The following ARFRP1 variants were observed in gnomAD, a reference collection of about 807,000 sequenced individuals.
The protein encoded by ARFRP1 is ARF related protein 1, also known as ADP-ribosylation factor-related protein 1.
ARFRP1 carries 19 observed loss-of-function variants against 30.3 expected under a neutral mutation model. That is an observed-to-expected ratio of 0.63 (90% CI 0.44 to 0.92). The LOEUF (loss-of-function observed/expected upper bound fraction) is 0.92, where lower values mean the gene tolerates loss of function less well. ARFRP1 is among the 40% of genes least tolerant of loss of function. The pLI, the probability that ARFRP1 is intolerant of heterozygous loss-of-function variation, is 0.00. For missense variants in ARFRP1, 245 were observed against 267.5 expected (o/e 0.92, Z 0.59); for synonymous variants, 133 against 114.2 (o/e 1.16, Z -1.05).
Position 63,700,437 on chromosome 20 carries a change from C to T in ARFRP1, c.*6G>A, listed in dbSNP as rs781454914. On this transcript the variant is annotated 3_prime_UTR_variant, in exon 8 of 8. Transcript: ENST00000622789. Reference sequence around the variant, plus strand: ...ACCAGCCGTCCCGACGGCAGCGCGGCTGCGCCTACGTGATGTCCCTCTGCC... The same window carrying T: ...ACCAGCCGTCCCGACGGCAGCGCGGTTGCGCCTACGTGATGTCCCTCTGCC... 1.2e-6 allele frequency: 2 copies of T among 1,607,580 alleles called. No homozygotes were observed. The highest frequency in any genetic ancestry group is 1.3e-5 in the African/African-American group (1 of 74,888).
At chr20:63,707,152 G>T (rs2091520271) in intron 1 of ARFRP1, 55 bp from the exon 2 acceptor site, 1 of 1,497,046 alleles carries the variant, frequency 6.7e-7, no homozygotes, top group Admixed American at 2.0e-5. Context: ...CCCTCCCCCG[G>T]GCTTCTCCAC....
chr20:63,703,243 C>A (rs1254182633), intron 4 of ARFRP1: 1 of 152,246 alleles, frequency 6.6e-6, no homozygotes, highest in African/African-American at 2.4e-5. Context: ...GCATGAGAAG[C>A]CAGGAGGCAC....
At chr20:63,702,302 G>A (rs1290256807) in intron 4 of ARFRP1, 85 bp from the exon 5 acceptor site, 2 of 1,330,552 alleles carry the variant, frequency 1.5e-6, no homozygotes, top group Non-Finnish European at 2.1e-6. Context: ...GCCACAGTGA[G>A]GGGCTCACAT....
At position 63,699,823 on chromosome 20, in the gene ARFRP1, G is replaced by A. The variant is rs1036186339; in HGVS notation, c.*620C>T. On this transcript the variant is annotated 3_prime_UTR_variant, in exon 8 of 8. Coordinates refer to ENST00000622789, the MANE Select transcript of ARFRP1 (RefSeq NM_001267547.3). ...TTTGCATCAGTCAGCTCCCTCCCGG[G>A]GGATTAGGGTGAGGTGAAGCCAGGC... 2 of 156,036 alleles carry A rather than the reference G, an allele frequency of 1.3e-5. No homozygotes were observed. The highest frequency in any genetic ancestry group is 3.8e-4 in the East Asian group (2 of 5,294). 9.7% of individuals were successfully genotyped at this position (156,036 alleles called of 1,614,324 possible). A position where few individuals can be genotyped will look rare whatever the true frequency, so the allele number is the denominator to read the frequency against.
rs939024453 is a variant in ARFRP1, at chr20:63,700,020, C to T, written c.*423G>A. ...GGTCACGGGGTCACAGGGCAGAAGC[C>T]AGATGGCAGCCATGGCTGACGGGCC... On this transcript the variant is annotated 3_prime_UTR_variant, in exon 8 of 8. Transcript: ENST00000622789. 7.7e-6 allele frequency: 2 copies of T among 259,944 alleles called. No individual in the cohort carries two copies. The highest frequency in any genetic ancestry group is 1.5e-5 in the Non-Finnish European group (2 of 131,270). 16.1% of individuals were successfully genotyped at this position (259,944 alleles called of 1,614,324 possible).
At position 63,702,073 on chromosome 20, in the gene ARFRP1, G is replaced by A; in HGVS notation, c.346+63C>T. ...CTGAGCCTGCCCCAGGCACAGAGCT[G>A]CCCAAGCTGGACCTGCCCCCACTCA... On this transcript the variant is annotated intron_variant, in intron 5 of 7. Transcript: ENST00000622789. The A allele has an allele frequency of 6.7e-6, 10 of 1,493,184 alleles. 1 individual carries two copies. The South Asian group carries it at 9.0e-5, about 13-fold the overall frequency. The allele number at this position is 1,493,184 out of a possible 1,614,324, so 92.5% of individuals were successfully genotyped here.
intron 6 of ARFRP1, chr20:63,701,268 G>A (rs758068452): frequency 2.0e-6 from 1 of 499,704 alleles, no homozygotes; most frequent in Non-Finnish European, 4.0e-6. Context: ...CCCCAGAGAA[G>A]GCAGGAAGTG....
At position 63,706,619 on chromosome 20, in the gene ARFRP1, C is replaced by T. The variant is rs375948751; in HGVS notation, c.181+32G>A. ...TGAATATCACGGCATCCTCAAGGCC[C>T]CAAACCCACAGCCTGCTATTGAGAC... On this transcript the variant is annotated intron_variant, in intron 3 of 7. Transcript: ENST00000622789. 1.1e-5 allele frequency: 18 copies of T among 1,578,158 alleles called. No individual in the cohort carries two copies. The African/African-American group carries it at 2.0e-4, about 18-fold the overall frequency.
chr20:63,702,234 G>A lies in ARFRP1; in HGVS notation c.265-17C>T, dbSNP rs1440807745. 1.2e-6 allele frequency: 2 copies of A among 1,608,492 alleles called. No homozygotes were observed. The highest frequency in any genetic ancestry group is 1.7e-6 in the Non-Finnish European group (2 of 1,177,240). On this transcript the variant is annotated splice_polypyrimidine_tract_variant and intron_variant, in intron 4 of 7. Transcript: ENST00000622789. ...CGCATAATACTGGGAGGAAGCACCA[G>A]GAGTTGGGGCTCAGTCCCCACCCTG...
chr20:63,705,806 G>A, intron 4 of ARFRP1: 1 of 529,614 alleles, frequency 1.9e-6, no homozygotes, highest in Non-Finnish European at 3.9e-6. Context: ...GAAAGAAACA[G>A]ACTGCCCTGA....
intron 7 of ARFRP1, 23 bp downstream of exon 7, chr20:63,700,579 C>A: frequency 6.2e-7 from 1 of 1,610,544 alleles, no homozygotes. Context: ...CCCAAAGCCC[C>A]CGCAGGTGCA....
chr20:63,703,796 G>T, intron 4 of ARFRP1: 1 of 152,676 alleles, frequency 6.5e-6, no homozygotes. Context: ...GGCACAAGGT[G>T]CACAGCCCAG....
rs181951187 is a variant in ARFRP1, at chr20:63,702,393, G to T, written c.265-176C>A. The T allele has an allele frequency of 9.3e-4, 587 of 632,030 alleles. 1 individual carries two copies. The highest frequency in any genetic ancestry group is 1.0e-3 in the Non-Finnish European group (367 of 364,072). The allele number at this position is 632,030 out of a possible 1,614,324, so 39.2% of individuals were successfully genotyped here. A position where few individuals can be genotyped will look rare whatever the true frequency, so the allele number is the denominator to read the frequency against. ...GGGGTTGCGGGGAGATCTGGTGGAG[G>T]TGTCCCCAGACGCTGCTCCTGAGAA... On this transcript the variant is annotated intron_variant, in intron 4 of 7. Coordinates refer to ENST00000622789, the MANE Select transcript of ARFRP1 (RefSeq NM_001267547.3).
chr20:63,700,873 C>T (rs2049139120), intron 6 of ARFRP1, 171 bp from the exon 7 acceptor site: 1 of 892,322 alleles, frequency 1.1e-6, no homozygotes, highest in Non-Finnish European at 1.7e-6. Context: ...CTGTGCTCAG[C>T]CCGAGGCTGA....
chr20:63,704,253 C>T (rs897279311), intron 4 of ARFRP1: 1 of 152,270 alleles, frequency 6.6e-6, no homozygotes, highest in African/African-American at 2.4e-5. Context: ...CCGGTCCCTC[C>T]CAGTGACCTA....
At position 63,700,510 on chromosome 20, in the gene ARFRP1, A is replaced by G. The variant is rs775650276; in HGVS notation, c.539T>C (p.Ile180Thr). 17 of 1,610,616 alleles carry G rather than the reference A, an allele frequency of 1.1e-5. No individual in the cohort carries two copies. In the Admixed American group the frequency reaches 2.2e-4, roughly 21 times the overall value. Residue 180 changes from isoleucine to threonine, a missense_variant, in exon 8 of 8, where the codon ATC becomes ACC. Transcript: ENST00000622789. ...CACGACACACTTCACCATCCACTCGATGCCCTCGCGCACCCCTTTGCTGTG... is the reference window on the plus strand; with the variant it reads ...CACGACACACTTCACCATCCACTCGGTGCCCTCGCGCACCCCTTTGCTGTG... ...ALTGKGVREG[I>T]EWMVKCVVRN...
intron 4 of ARFRP1, chr20:63,702,853 A>C (rs1011687245): frequency 1.3e-5 from 2 of 153,748 alleles, no homozygotes; most frequent in African/African-American, 4.8e-5. Context: ...GGCCATGCGG[A>C]TAAGACTGAC....
At position 63,700,318 on chromosome 20, in the gene ARFRP1, CAA is replaced by C; in HGVS notation, c.*123_*124del. On this transcript the variant is annotated 3_prime_UTR_variant, in exon 8 of 8. Transcript: ENST00000622789. ...AGAGGAAAGTTTGTCTTCGAGAAAA[CAA>C]AGTAAATAGAAGAACCCCAAAGCAA... The C allele has an allele frequency of 7.2e-7, 1 of 1,383,052 alleles. No homozygotes were observed. Among genetic ancestry groups the C allele is most frequent in the Non-Finnish European group, 9.8e-7 (1 of 1,020,448 alleles). 85.7% of individuals were successfully genotyped at this position (1,383,052 alleles called of 1,614,324 possible).
chr20:63,702,333 G>T, intron 4 of ARFRP1, 116 bp from the exon 5 acceptor site: 1 of 950,568 alleles, frequency 1.1e-6, no homozygotes, highest in South Asian at 1.5e-5. Flanking sequence ...CAAGAGGGCA[G>T]CCCCCAACTG....
Sources: allele counts gnomAD v4.1 joint callset, GRCh38; gene constraint gnomAD v4.1.1; transcripts MANE v1.5; gene names NCBI Gene and HGNC (gene_info 2026-07-23, HGNC 2026-07-21).